The following SDCCAG8 variants were observed in gnomAD, a reference collection of about 807,000 sequenced individuals.
SDCCAG8 encodes the protein SHH signaling and ciliogenesis regulator SDCCAG8.
In SDCCAG8, 74 loss-of-function variants were observed where a neutral mutation model predicts 101.8. The ratio of observed to expected loss-of-function variants is 0.73; its 90% CI spans 0.60 to 0.88. The LOEUF (loss-of-function observed/expected upper bound fraction) is 0.88. Among genes scored for constraint, SDCCAG8 ranks in the 40% least tolerant of loss-of-function variants. The pLI, the probability that SDCCAG8 is intolerant of heterozygous loss-of-function variation, is 0.00. For missense variants in SDCCAG8, 787 were observed against 822.6 expected (o/e 0.96, Z 0.53); for synonymous variants, 281 against 292.9 (o/e 0.96, Z 0.41).
At chr1:243,279,729 A>T (rs1572931011) in intron 4 of SDCCAG8, among the ~76,000 whole-genome samples, 1 of 152,328 alleles carries the variant, frequency 6.6e-6, no homozygotes, top group Non-Finnish European at 1.5e-5. Flanking sequence ...ATGTCGAACC[A>T]ATGTTGTGTA....
chr1:243,344,468 A>C (rs1029767268), intron 12 of SDCCAG8, 137 bp downstream of exon 12: 8 of 745,200 alleles, frequency 1.1e-5, no homozygotes, highest in Non-Finnish European at 1.8e-5. Context: ...CACTGTTAGG[A>C]AAATTTCTTT....
chr1:243,297,119 A>T (rs949003379), intron 6 of SDCCAG8, among the ~76,000 whole-genome samples: 2 of 152,216 alleles, frequency 1.3e-5, no homozygotes, highest in African/African-American at 4.8e-5. Flanking sequence ...GAATTTTCTG[A>T]AAATACTCAA....
intron 16 of SDCCAG8, among the ~76,000 whole-genome samples, chr1:243,476,947 C>T (rs900516388): frequency 4.6e-5 from 7 of 151,604 alleles, no homozygotes; most frequent in Non-Finnish European, 8.8e-5. Flanking sequence ...CACACTGTAG[C>T]ATATAAGATA....
chr1:243,342,770 A>T (rs913159097), intron 11 of SDCCAG8, among the ~76,000 whole-genome samples: 2 of 152,122 alleles, frequency 1.3e-5, no homozygotes, highest in African/African-American at 4.8e-5. Context: ...TAATTTTTGA[A>T]ATCGGAGGAA....
chr1:243,434,188 T>A (rs1457843965), intron 16 of SDCCAG8, among the ~76,000 whole-genome samples: 1 of 152,234 alleles, frequency 6.6e-6, no homozygotes, highest in Non-Finnish European at 1.5e-5. Context: ...TATAATGGTT[T>A]CCCAGTAACT....
chr1:243,382,621 G>A (rs2078027993), intron 13 of SDCCAG8, among the ~76,000 whole-genome samples: 1 of 152,138 alleles, frequency 6.6e-6, no homozygotes. Context: ...AGGCTGTTTA[G>A]TTCAAGTAAG....
At position 243,256,237 on chromosome 1, in the gene SDCCAG8, C is replaced by T. The variant is rs753770267; in HGVS notation, c.64C>T (p.Arg22Trp). 44 of 1,613,940 alleles carry T rather than the reference C, an allele frequency of 2.7e-5. 1 individual carries two copies. Among genetic ancestry groups the T allele is most frequent in the Non-Finnish European group, 3.4e-5 (40 of 1,179,908 alleles). Residue 22 changes from arginine (R) to tryptophan (W), a missense_variant, in exon 1 of 18, where the codon CGG (arginine) becomes TGG (tryptophan). Transcript: ENST00000366541. ...EILGQYQRSLREHASRSIHQL... is the reference protein window; with the variant it reads ...EILGQYQRSLWEHASRSIHQL... ...TCTGGGGCAGTATCAACGGAGTCTC[C>T]GGGGTGAGTTGCTCCAAACCTCTGT...
chr1:243,304,912 T>C, intron 7 of SDCCAG8, 135 bp downstream of exon 7: 2 of 656,514 alleles, frequency 3.0e-6, no homozygotes, highest in Non-Finnish European at 5.4e-6. Flanking sequence ...TTAAAAAATT[T>C]CCTCAGATTA....
intron 13 of SDCCAG8, among the ~76,000 whole-genome samples, chr1:243,396,152 C>T (rs184513039): frequency 3.3e-5 from 5 of 152,092 alleles, no homozygotes; most frequent in South Asian, 2.1e-4. Context: ...ATCTAAAATA[C>T]CAGTAAATAA....
At chr1:243,371,374 T>C (rs1440496839) in intron 12 of SDCCAG8, among the ~76,000 whole-genome samples, 1 of 152,160 alleles carries the variant, frequency 6.6e-6, no homozygotes, top group Non-Finnish European at 1.5e-5. Context: ...CTTATGTAAG[T>C]TACTTAACAT....
intron 9 of SDCCAG8, among the ~76,000 whole-genome samples, chr1:243,323,000 T>C (rs2073880506): frequency 6.6e-6 from 1 of 151,882 alleles, no homozygotes; most frequent in Admixed American, 6.6e-5. Context: ...CTGGGCATGG[T>C]GGTGTGCGCC....
intron 17 of SDCCAG8, among the ~76,000 whole-genome samples, chr1:243,489,590 C>T (rs1029699623): frequency 6.6e-6 from 1 of 152,176 alleles, no homozygotes; most frequent in Non-Finnish European, 1.5e-5. Flanking sequence ...GGCATCTCAT[C>T]CTAAATTAGC....
chr1:243,382,318 T>G (rs1009807487), intron 13 of SDCCAG8, among the ~76,000 whole-genome samples: 1 of 152,174 alleles, frequency 6.6e-6, no homozygotes, highest in Admixed American at 6.5e-5. Flanking sequence ...GGAAGACCAG[T>G]TAGCCCAAGG....
chr1:243,362,509 A>G (rs962560461), intron 12 of SDCCAG8, among the ~76,000 whole-genome samples: 15 of 152,256 alleles, frequency 9.9e-5, no homozygotes, highest in Non-Finnish European at 1.3e-4. Context: ...TCCTCTTTGT[A>G]AAATGAGGAT....
chr1:243,280,722 G>T (rs765070881), intron 4 of SDCCAG8, among the ~76,000 whole-genome samples: 1 of 152,036 alleles, frequency 6.6e-6, no homozygotes, highest in Non-Finnish European at 1.5e-5. Context: ...CAAGTATTTG[G>T]GGAGTTTCCC....
At chr1:243,399,523 T>TATTC (rs1558413331) in intron 13 of SDCCAG8, among the ~76,000 whole-genome samples, 1 of 152,090 alleles carries the variant, frequency 6.6e-6, no homozygotes, top group African/African-American at 2.4e-5. Context: ...TTTATTTATT[T>TATTC]ATTGCTGGAG....
chr1:243,406,395 GA>G (rs1214005772), intron 13 of SDCCAG8, among the ~76,000 whole-genome samples: 4 of 152,148 alleles, frequency 2.6e-5, no homozygotes, highest in African/African-American at 7.2e-5. Context: ...GAAAATTAAT[GA>G]AGTGTGCATT....
At position 243,274,539 on chromosome 1, in the gene SDCCAG8, A is replaced by G. The variant is rs557656507; in HGVS notation, c.307-4A>G. 1.3e-5 allele frequency: 19 copies of G among 1,483,124 alleles called. No individual in the cohort carries two copies. Among genetic ancestry groups the G allele is most frequent in the Non-Finnish European group, 1.7e-5 (18 of 1,063,580 alleles). 91.9% of individuals were successfully genotyped at this position (1,483,124 alleles called of 1,614,324 possible). A position where few individuals can be genotyped will look rare whatever the true frequency, so the allele number is the denominator to read the frequency against. On this transcript the variant is annotated splice_region_variant and splice_polypyrimidine_tract_variant and intron_variant, in intron 3 of 17. Coordinates refer to ENST00000366541, the MANE Select transcript of SDCCAG8 (RefSeq NM_006642.5). ...TGTATTTATTTATTTATTTTTTGTC[A>G]TAGAGGTCATTAGAACATGAGGAAA...
chr1:243,473,922 C>G (rs9428964), intron 16 of SDCCAG8, among the ~76,000 whole-genome samples: 4,051 of 6,926 alleles, frequency 0.58, 692 homozygotes, highest in Non-Finnish European at 0.62. Flanking sequence ...GAGTTGCCGG[C>G]GGGGGGGGGG....
Sources: gnomAD v4.1 joint callset for allele counts (sites outside exome capture counted in the v4.1 genomes callset) on GRCh38, gnomAD v4.1.1 for gene constraint, MANE v1.5 for transcripts, NCBI Gene and HGNC (gene_info 2026-07-23, HGNC 2026-07-21) for gene names.